CHD6: variants seen among roughly 807,000 people sequenced by gnomAD.
CHD6 encodes the protein ATP-dependent chromatin remodeler CHD6.
A neutral mutation model predicts 276.9 loss-of-function variants in CHD6; 50 were observed. That is an observed-to-expected ratio of 0.18 (90% CI 0.14 to 0.23). The LOEUF (loss-of-function observed/expected upper bound fraction) is 0.23. CHD6 is among the 10% of genes least tolerant of loss of function. The pLI is 1.00. For missense variants in CHD6, 2,564 were observed against 3,365.8 expected (o/e 0.76, Z 5.89); for synonymous variants, 1,173 against 1,229.3 (o/e 0.95, Z 0.96).
chr20:41,509,853 A>G lies in CHD6; in HGVS notation c.852+2993T>C, dbSNP rs186556047. Among the ~76,000 whole-genome samples the G allele has an allele frequency of 1.4e-3, 214 of 152,286 alleles. 2 individuals carry two copies. In the Middle Eastern group the frequency reaches 0.017, roughly 12 times the overall value. ...CCTGCCCCTGAATCCCATGCTTGGG[A>G]TTGTGGTATGGAGTGCAAAGCAGAG... On this transcript the variant is annotated intron_variant, in intron 5 of 36. Transcript: ENST00000373233.
At chr20:41,502,394 G>A (rs34123735) in intron 5 of CHD6, among the ~76,000 whole-genome samples, 366 of 152,192 alleles carry the variant, frequency 2.4e-3, no homozygotes, top group Non-Finnish European at 4.4e-3. Flanking sequence ...TATATTTATA[G>A]CACATCTTAA....
At chr20:41,529,083 G>T (rs1427485466) in intron 3 of CHD6, among the ~76,000 whole-genome samples, 1 of 152,184 alleles carries the variant, frequency 6.6e-6, no homozygotes, top group East Asian at 1.9e-4. Context: ...TTTACAGTCA[G>T]GTGAACCTGG....
intron 28 of CHD6, 63 bp from the exon 29 acceptor site, chr20:41,425,457 T>C: frequency 2.1e-6 from 3 of 1,455,932 alleles, no homozygotes; most frequent in African/African-American, 2.8e-5. Context: ...TGACTGTCTT[T>C]TGGTTTTGTT....
chr20:41,513,526 A>T (rs923347836), intron 4 of CHD6, among the ~76,000 whole-genome samples: 1 of 152,210 alleles, frequency 6.6e-6, no homozygotes, highest in African/African-American at 2.4e-5. Flanking sequence ...ACTTCTTGAA[A>T]TGCAGGGAGA....
intron 1 of CHD6, among the ~76,000 whole-genome samples, chr20:41,552,835 C>A (rs1372161883): frequency 6.6e-6 from 1 of 152,098 alleles, no homozygotes; most frequent in Admixed American, 6.6e-5. Flanking sequence ...GGAAAGCAGG[C>A]ATGATCGGGT....
At chr20:41,609,864 T>C (rs1454220816) in intron 1 of CHD6, among the ~76,000 whole-genome samples, 2 of 147,406 alleles carry the variant, frequency 1.4e-5, no homozygotes, top group Non-Finnish European at 3.0e-5. Context: ...TCTTTTTTTT[T>C]TTTTTTTTTT....
At chr20:41,559,789 G>A (rs1006772866) in intron 1 of CHD6, among the ~76,000 whole-genome samples, 2 of 151,700 alleles carry the variant, frequency 1.3e-5, no homozygotes, top group African/African-American at 4.8e-5. Context: ...ACCACATCCT[G>A]GCCAGTTCCT....
chr20:41,618,362 C>G lies in CHD6; in HGVS notation c.-46G>C, dbSNP rs1032186001. The G allele has an allele frequency of 6.6e-6, 1 of 152,122 alleles. No individual in the cohort carries two copies. Among genetic ancestry groups the G allele is most frequent in the Non-Finnish European group, 1.5e-5 (1 of 68,068 alleles). 9.4% of individuals were successfully genotyped at this position (152,122 alleles called of 1,614,324 possible). A position where few individuals can be genotyped will look rare whatever the true frequency, so the allele number is the denominator to read the frequency against. On this transcript the variant is annotated 5_prime_UTR_variant, in exon 1 of 37. Coordinates refer to ENST00000373233, the MANE Select transcript of CHD6 (RefSeq NM_032221.5). The stretch of plus-strand genomic sequence containing the variant: ...TACCTAAAATGGCTCCTGCAGCAGC[C>G]AAAATACAAACAGCTATTATTTGGT...
chr20:41,464,350 A>C (rs1235551969), intron 17 of CHD6, among the ~76,000 whole-genome samples: 2 of 152,228 alleles, frequency 1.3e-5, no homozygotes, highest in African/African-American at 4.8e-5. Context: ...CTGATTATAT[A>C]CTGTAATACT....
At chr20:41,492,249 C>CAGAA (rs2145869729) in intron 10 of CHD6, among the ~76,000 whole-genome samples, 1 of 152,154 alleles carries the variant, frequency 6.6e-6, no homozygotes, top group East Asian at 1.9e-4. Context: ...AGATGACTGA[C>CAGAA]AAGTTGAATT....
At chr20:41,436,330 T>A (rs562683965) in intron 27 of CHD6, among the ~76,000 whole-genome samples, 1 of 152,154 alleles carries the variant, frequency 6.6e-6, no homozygotes, top group South Asian at 2.1e-4. Context: ...CCTACCAGAA[T>A]GGCTCAAGAA....
At chr20:41,589,680 C>G (rs1264424944) in intron 1 of CHD6, among the ~76,000 whole-genome samples, 1 of 152,148 alleles carries the variant, frequency 6.6e-6, no homozygotes, top group East Asian at 1.9e-4. Context: ...AGTACCTCTT[C>G]AAGGAGAACT....
chr20:41,585,033 C>A (rs1204875676), intron 1 of CHD6, among the ~76,000 whole-genome samples: 2 of 151,728 alleles, frequency 1.3e-5, no homozygotes, highest in Admixed American at 6.6e-5. Flanking sequence ...GTAGAATGAT[C>A]AAGTAAAAAA....
intron 1 of CHD6, among the ~76,000 whole-genome samples, chr20:41,570,697 C>T (rs951153526): frequency 8.5e-5 from 13 of 152,238 alleles, no homozygotes; most frequent in Non-Finnish European, 1.5e-4. Flanking sequence ...AAAACAACCT[C>T]ATATGCTGTA....
chr20:41,441,304 G>A (rs755375346), intron 25 of CHD6, among the ~76,000 whole-genome samples: 27 of 152,024 alleles, frequency 1.8e-4, no homozygotes, highest in Admixed American at 1.4e-3. Flanking sequence ...CAGATGAGTC[G>A]GTTTTGCCTA....
chr20:41,408,524 G>A (rs754735433), intron 36 of CHD6, among the ~76,000 whole-genome samples: 3 of 152,040 alleles, frequency 2.0e-5, no homozygotes, highest in South Asian at 2.1e-4. Context: ...AATGCAAATC[G>A]TCTCATTCTG....
intron 1 of CHD6, among the ~76,000 whole-genome samples, chr20:41,607,186 T>C (rs1236245682): frequency 6.6e-6 from 1 of 152,152 alleles, no homozygotes; most frequent in African/African-American, 2.4e-5. Flanking sequence ...CTCTCCAAAC[T>C]CACAAACACT....
chr20:41,458,440 C>T (rs1292345877), intron 17 of CHD6, among the ~76,000 whole-genome samples: 1 of 152,176 alleles, frequency 6.6e-6, no homozygotes, highest in Non-Finnish European at 1.5e-5. Flanking sequence ...TCATGGGAGC[C>T]TCTCTAAGTT....
chr20:41,436,543 G>C (rs955998145), intron 27 of CHD6, among the ~76,000 whole-genome samples: 1 of 152,164 alleles, frequency 6.6e-6, no homozygotes. Flanking sequence ...GAAAATGTAT[G>C]TTCACACAAA....
Sources: allele counts gnomAD v4.1 joint callset (sites outside exome capture counted in the v4.1 genomes callset), GRCh38; gene constraint gnomAD v4.1.1; transcripts MANE v1.5; gene names NCBI Gene and HGNC (gene_info 2026-07-23, HGNC 2026-07-21).